The following TBC1D5 variants were observed in gnomAD, a reference collection of about 807,000 sequenced individuals.
TBC1D5 encodes TBC1 domain family, member 5.
A neutral mutation model predicts 100.3 loss-of-function variants in TBC1D5; 75 were observed. The observed-to-expected ratio is 0.75, with a 90% CI of 0.62 to 0.91. The LOEUF is 0.91. Ranked by LOEUF, TBC1D5 falls within the 40% of genes least tolerant of loss-of-function variation. The probability of loss-of-function intolerance (pLI) is 0.00; values close to 1 mark genes in which losing one functional copy is unlikely to be tolerated. For synonymous variants in TBC1D5, 323 were observed against 325.6 expected, an observed-to-expected ratio of 0.99 and a Z score of 0.09; for missense variants, 910 against 942.4, an observed-to-expected ratio of 0.97 and a Z score of 0.45.
chr3:17,465,151 T>C (rs2095281322), intron 3 of TBC1D5: 1 of 152,462 alleles, frequency 6.6e-6, no homozygotes, highest in African/African-American at 2.4e-5. Flanking sequence ...CCCACTAGAA[T>C]GGCTCCCACA....
intron 2 of TBC1D5, among the ~76,000 whole-genome samples, chr3:17,543,045 T>G (rs2096374378): frequency 6.6e-6 from 1 of 152,168 alleles, no homozygotes; most frequent in South Asian, 2.1e-4. Flanking sequence ...CTAATTTATA[T>G]CAACTGGGGA....
chr3:17,194,799 T>G (rs1321364324), intron 18 of TBC1D5, among the ~76,000 whole-genome samples: 1 of 152,232 alleles, frequency 6.6e-6, no homozygotes, highest in Non-Finnish European at 1.5e-5. Context: ...TTTAACATTG[T>G]GAGCCATTTT....
chr3:17,618,847 T>C (rs1486756599), intron 2 of TBC1D5, among the ~76,000 whole-genome samples: 2 of 152,200 alleles, frequency 1.3e-5, no homozygotes, highest in Non-Finnish European at 2.9e-5. Context: ...CCTCGACCCC[T>C]TGCACTTTCC....
At chr3:17,614,484 A>C (rs562437538) in intron 2 of TBC1D5, among the ~76,000 whole-genome samples, 2,460 of 152,224 alleles carry the variant, frequency 0.016, 66 homozygotes, top group African/African-American at 0.056. Flanking sequence ...GGGCAGTATG[A>C]CCATTTTCAC....
At position 17,166,717 on chromosome 3, in the gene TBC1D5, G is replaced by GA. The variant is rs372455190; in HGVS notation, c.2094+49dup. On this transcript the variant is annotated intron_variant, in intron 21 of 21. Coordinates refer to ENST00000253692, the Ensembl canonical transcript of TBC1D5. ...ATTCTTAACTTTGAGGAACTTATGT[G>GA]AATGTGCTCCCTTTGAGTTAATGTA... 2.4e-4 allele frequency: 374 copies of GA among 1,565,000 alleles called. 1 individual carries two copies. The African/African-American group carries it at 4.6e-3, about 19-fold the overall frequency.
At chr3:17,497,192 C>T (rs1183146839) in intron 3 of TBC1D5, among the ~76,000 whole-genome samples, 2 of 151,302 alleles carry the variant, frequency 1.3e-5, no homozygotes, top group South Asian at 4.2e-4. Context: ...AACATTTAGC[C>T]GAAATACCAC....
At chr3:17,635,028 T>G (rs768332341) in intron 1 of TBC1D5, among the ~76,000 whole-genome samples, 5 of 152,160 alleles carry the variant, frequency 3.3e-5, no homozygotes, top group Admixed American at 6.5e-5. Flanking sequence ...AATAATGAGT[T>G]CAATACTATA....
intron 3 of TBC1D5, among the ~76,000 whole-genome samples, chr3:17,462,664 A>G (rs2095236534): frequency 6.6e-6 from 1 of 152,010 alleles, no homozygotes; most frequent in Non-Finnish European, 1.5e-5. Context: ...CTATGGCTCT[A>G]AAGGTAAAAG....
intron 3 of TBC1D5, among the ~76,000 whole-genome samples, chr3:17,473,742 T>C (rs1231167977): frequency 1.3e-5 from 2 of 152,208 alleles, no homozygotes; most frequent in Non-Finnish European, 2.9e-5. Context: ...ATGTGGCTTT[T>C]TAATTTACTG....
At chr3:17,344,090 C>T (rs2089470297) in intron 13 of TBC1D5, among the ~76,000 whole-genome samples, 1 of 151,652 alleles carries the variant, frequency 6.6e-6, no homozygotes. Flanking sequence ...CCTGCTTTCT[C>T]TTGTGGGCAT....
intron 3 of TBC1D5, among the ~76,000 whole-genome samples, chr3:17,469,892 C>T (rs570025602): frequency 2.6e-5 from 4 of 152,318 alleles, no homozygotes; most frequent in Non-Finnish European, 4.4e-5. Flanking sequence ...ACTTACTGTA[C>T]AGGAAAAGCA....
At chr3:17,356,905 C>T (rs1475352989) in intron 13 of TBC1D5, among the ~76,000 whole-genome samples, 1 of 151,922 alleles carries the variant, frequency 6.6e-6, no homozygotes, top group South Asian at 2.1e-4. Context: ...AGATTTGGTA[C>T]AGGAGAATCA....
At chr3:17,673,809 C>G (rs1322387260) in intron 1 of TBC1D5, among the ~76,000 whole-genome samples, 1 of 152,162 alleles carries the variant, frequency 6.6e-6, no homozygotes, top group Non-Finnish European at 1.5e-5. Flanking sequence ...CCTCTTTTCA[C>G]AAGTTACTTG....
At chr3:17,652,986 A>G (rs1306388188) in intron 1 of TBC1D5, among the ~76,000 whole-genome samples, 1 of 152,204 alleles carries the variant, frequency 6.6e-6, no homozygotes, top group Admixed American at 6.5e-5. Context: ...GAAATGAGGT[A>G]CTGACAAATG....
At chr3:17,729,441 C>T (rs911796599) in intron 1 of TBC1D5, among the ~76,000 whole-genome samples, 4 of 152,062 alleles carry the variant, frequency 2.6e-5, no homozygotes, top group Non-Finnish European at 5.9e-5. Flanking sequence ...GGCGAGGTGG[C>T]TCACGCCTAT....
chr3:17,637,598 G>GA (rs1392911921), intron 1 of TBC1D5, among the ~76,000 whole-genome samples: 2 of 151,398 alleles, frequency 1.3e-5, no homozygotes, highest in Non-Finnish European at 2.9e-5. Flanking sequence ...CACCTCAGTA[G>GA]AAAAAAGGAC....
intron 9 of TBC1D5, among the ~76,000 whole-genome samples, chr3:17,381,294 A>G (rs999451115): frequency 2.6e-5 from 4 of 152,028 alleles, no homozygotes; most frequent in African/African-American, 7.2e-5. Flanking sequence ...TTCCATTATT[A>G]TAAGACTTCC....
intron 18 of TBC1D5, among the ~76,000 whole-genome samples, chr3:17,207,374 A>G (rs962017945): frequency 6.6e-6 from 1 of 152,242 alleles, no homozygotes; most frequent in African/African-American, 2.4e-5. Flanking sequence ...TAAAAGTATC[A>G]AAATGTTTTA....
intron 14 of TBC1D5, among the ~76,000 whole-genome samples, chr3:17,296,364 C>T (rs2082258051): frequency 6.6e-6 from 1 of 152,166 alleles, no homozygotes; most frequent in South Asian, 2.1e-4. Flanking sequence ...ATGTAATGCT[C>T]TCTGAAAAAA....
Sources: gnomAD v4.1 joint callset for allele counts (sites outside exome capture counted in the v4.1 genomes callset) on GRCh38, gnomAD v4.1.1 for gene constraint, MANE v1.5 for transcripts, NCBI Gene and HGNC (gene_info 2026-07-23, HGNC 2026-07-21) for gene names.